CLSTN2: variants seen among roughly 807,000 people sequenced by gnomAD.
The protein encoded by CLSTN2 is calsyntenin 2, also known as calsyntenin-2.
In CLSTN2, 48 loss-of-function variants were observed where a neutral mutation model predicts 101.2. The ratio of observed to expected loss-of-function variants is 0.47; its 90% confidence interval spans 0.38 to 0.60. CLSTN2 has a LOEUF of 0.60. CLSTN2 is among the 20% of genes least tolerant of loss of function. The probability of loss-of-function intolerance (pLI) is 0.00; values close to 1 mark genes in which losing one functional copy is unlikely to be tolerated. For missense variants in CLSTN2, 1,160 were observed against 1,238.2 expected, an observed-to-expected ratio of 0.94 and a Z score of 0.95; for synonymous variants, 481 against 463.6, an observed-to-expected ratio of 1.04 and a Z score of -0.48.
chr3:140,575,942 A>G lies in CLSTN2; in HGVS notation c.*9689A>G, dbSNP rs1431705619. ...CCTTAGAAGCACTGGTTGGGATGTTACATGTTTTTTCACTGTTGTTGTTTA... is the reference window on the plus strand; with the variant it reads ...CCTTAGAAGCACTGGTTGGGATGTTGCATGTTTTTTCACTGTTGTTGTTTA... On this transcript the variant is annotated 3_prime_UTR_variant, in exon 17 of 17. Coordinates refer to ENST00000458420, the MANE Select transcript of CLSTN2 (RefSeq NM_022131.3). The G allele has an allele frequency of 2.6e-5, 4 of 152,188 alleles. No homozygotes were observed. Among genetic ancestry groups the G allele is most frequent in the Admixed American group, 2.6e-4 (4 of 15,268 alleles). 9.4% of individuals were successfully genotyped at this position (152,188 alleles called of 1,614,324 possible). A position where few individuals can be genotyped will look rare whatever the true frequency, so the allele number is the denominator to read the frequency against.
At chr3:140,092,933 G>A (rs2008805557) in intron 1 of CLSTN2, among the ~76,000 whole-genome samples, 1 of 152,216 alleles carries the variant, frequency 6.6e-6, no homozygotes, top group African/African-American at 2.4e-5. Flanking sequence ...CCAAGAACAA[G>A]GATGAGGGGT....
intron 1 of CLSTN2, among the ~76,000 whole-genome samples, chr3:140,164,928 T>C (rs1259054854): frequency 1.3e-5 from 2 of 151,870 alleles, no homozygotes; most frequent in Non-Finnish European, 2.9e-5. Context: ...GGTGGATAGG[T>C]AGATGGGTGG....
At chr3:140,439,746 C>T (rs2088738508) in intron 5 of CLSTN2, among the ~76,000 whole-genome samples, 1 of 89,738 alleles carries the variant, frequency 1.1e-5, no homozygotes. Context: ...TGCACGTGCA[C>T]ACACACGCAC....
intron 8 of CLSTN2, among the ~76,000 whole-genome samples, chr3:140,493,256 G>A (rs558056669): frequency 1.3e-5 from 2 of 152,282 alleles, no homozygotes; most frequent in Non-Finnish European, 2.9e-5. Context: ...CCATTTAGAG[G>A]TTTCAGCAAA....
chr3:140,487,277 C>T (rs1934257837), intron 8 of CLSTN2, among the ~76,000 whole-genome samples: 1 of 152,184 alleles, frequency 6.6e-6, no homozygotes, highest in Non-Finnish European at 1.5e-5. Context: ...TGCTTATATG[C>T]ACCAAGAGTC....
chr3:140,074,310 GGATGGACAGAGGGCCCGGTTT>G, intron 1 of CLSTN2, among the ~76,000 whole-genome samples: 1 of 152,206 alleles, frequency 6.6e-6, no homozygotes, highest in South Asian at 2.1e-4. Context: ...CCCCAACAGT[GGATGGACAGAGGGCCCGGTTT>G]GGCATGTGCA....
At chr3:139,951,760 T>C (rs1481678550) in intron 1 of CLSTN2, among the ~76,000 whole-genome samples, 1 of 152,152 alleles carries the variant, frequency 6.6e-6, no homozygotes, top group East Asian at 1.9e-4. Context: ...TGACAAATCA[T>C]GGTAGGGAGC....
intron 1 of CLSTN2, among the ~76,000 whole-genome samples, chr3:140,124,728 G>A (rs1423623765): frequency 6.6e-6 from 1 of 152,160 alleles, no homozygotes; most frequent in Non-Finnish European, 1.5e-5. Context: ...CAGTTTGGCA[G>A]TTAAATATTC....
intron 1 of CLSTN2, among the ~76,000 whole-genome samples, chr3:139,995,041 T>C (rs1936179329): frequency 6.6e-6 from 1 of 152,200 alleles, no homozygotes; most frequent in African/African-American, 2.4e-5. Context: ...GGGGCACCTG[T>C]TCTGAGTTGT....
chr3:140,558,793 C>T lies in CLSTN2; in HGVS notation c.1977C>T (p.Phe659=). ...QFESARGVTL[F]PDIKIVSTFA... ...AAAGTGCCAGGGGAGTGACCCTCTTCCCTGATATCAAGATTGTGAGCACCT... is the reference window on the plus strand; with the variant it reads ...AAAGTGCCAGGGGAGTGACCCTCTTTCCTGATATCAAGATTGTGAGCACCT... The change falls in exon 12 of 17, where the codon TTC becomes TTT. Residue 659 remains phenylalanine, a synonymous_variant. Coordinates refer to ENST00000458420, the MANE Select transcript of CLSTN2 (RefSeq NM_022131.3). 3 of 1,614,044 alleles carry T rather than the reference C, an allele frequency of 1.9e-6. No homozygotes were observed. The highest frequency in any genetic ancestry group is 2.5e-6 in the Non-Finnish European group (3 of 1,180,016).
intron 9 of CLSTN2, among the ~76,000 whole-genome samples, chr3:140,539,799 G>A (rs766362042): frequency 2.6e-5 from 4 of 152,178 alleles, no homozygotes; most frequent in East Asian, 3.9e-4. Flanking sequence ...ACCTTGCTGC[G>A]AGTCATGTAG....
At chr3:140,155,145 A>G (rs920793726) in intron 1 of CLSTN2, among the ~76,000 whole-genome samples, 1 of 152,204 alleles carries the variant, frequency 6.6e-6, no homozygotes, top group Non-Finnish European at 1.5e-5. Flanking sequence ...TTACTCTGGC[A>G]GCTCCGTGGA....
At chr3:140,421,848 G>T (rs1213806048) in intron 5 of CLSTN2, among the ~76,000 whole-genome samples, 4 of 152,162 alleles carry the variant, frequency 2.6e-5, no homozygotes, top group Admixed American at 2.6e-4. Context: ...AAATGCTTAG[G>T]TCACCCTTAG....
intron 1 of CLSTN2, among the ~76,000 whole-genome samples, chr3:139,958,523 T>C (rs1341293119): frequency 6.6e-6 from 1 of 152,054 alleles, no homozygotes; most frequent in Non-Finnish European, 1.5e-5. Context: ...TAAAATAAAT[T>C]TGATTTATGT....
At chr3:140,181,234 T>G (rs1344656547) in intron 2 of CLSTN2, among the ~76,000 whole-genome samples, 1 of 152,192 alleles carries the variant, frequency 6.6e-6, no homozygotes, top group Non-Finnish European at 1.5e-5. Context: ...AATATGTAGA[T>G]TAAGTAAGAT....
rs765676902 is a variant in CLSTN2, at chr3:140,168,175, C to T, written c.110-7776C>T. Among the ~76,000 whole-genome samples, 63 of 152,282 alleles carry T rather than the reference C, an allele frequency of 4.1e-4. 1 individual carries two copies. The highest frequency in any genetic ancestry group is 6.5e-4 in the Non-Finnish European group (44 of 68,012). The stretch of plus-strand genomic sequence containing the variant: ...ATGTCTAAAAGTTCCAATTACTTTA[C>T]ATGTTTATCAGAACTTGATATTGTC... On this transcript the variant is annotated intron_variant, in intron 1 of 16. Coordinates refer to ENST00000458420, the MANE Select transcript of CLSTN2 (RefSeq NM_022131.3).
chr3:139,957,984 G>A (rs1274923214), intron 1 of CLSTN2, among the ~76,000 whole-genome samples: 2 of 152,166 alleles, frequency 1.3e-5, no homozygotes, highest in Non-Finnish European at 2.9e-5. Context: ...TTCCTGCTGA[G>A]TTACTGCCTG....
chr3:140,254,241 A>C (rs2086587038), intron 2 of CLSTN2, among the ~76,000 whole-genome samples: 1 of 152,204 alleles, frequency 6.6e-6, no homozygotes, highest in African/African-American at 2.4e-5. Context: ...TCCTGCAAGA[A>C]GAAAAAATCA....
intron 8 of CLSTN2, among the ~76,000 whole-genome samples, chr3:140,476,215 G>A (rs916585121): frequency 2.0e-5 from 3 of 152,178 alleles, no homozygotes; most frequent in Non-Finnish European, 2.9e-5. Context: ...ATATGTAATG[G>A]CCAATTCGTT....
Sources: gnomAD v4.1 joint callset for allele counts (sites outside exome capture counted in the v4.1 genomes callset) on GRCh38, gnomAD v4.1.1 for gene constraint, MANE v1.5 for transcripts, NCBI Gene and HGNC (gene_info 2026-07-23, HGNC 2026-07-21) for gene names.